Variants in QTMAN observed in about 807,000 individuals in gnomAD.
QTMAN encodes queuosine-tRNA mannosyltransferase, also known as tRNA-queuosine alpha-mannosyltransferase.
chr2:144,153,317 G>A, the QTMAN span, among the ~76,000 whole-genome samples: 1 of 152,134 alleles, frequency 6.6e-6, no homozygotes, highest in Non-Finnish European at 1.5e-5. Flanking sequence ...GTTGTAAAGT[G>A]AGAAGATAAA....
the QTMAN span, among the ~76,000 whole-genome samples, chr2:144,152,549 A>G: frequency 6.6e-6 from 1 of 152,228 alleles, no homozygotes; most frequent in South Asian, 2.1e-4. Context: ...TACTATTTTA[A>G]AAAATCTATA....
At chr2:144,244,384 G>T in the QTMAN span, among the ~76,000 whole-genome samples, 1 of 152,120 alleles carries the variant, frequency 6.6e-6, no homozygotes, top group Non-Finnish European at 1.5e-5. Flanking sequence ...ATTGCTTCTT[G>T]GAGACATTCA....
chr2:144,004,229 G>C, the QTMAN span, among the ~76,000 whole-genome samples: 1 of 152,022 alleles, frequency 6.6e-6, no homozygotes, highest in African/African-American at 2.4e-5. Context: ...TAAAGTACAA[G>C]GATGGGGGAG....
the QTMAN span, among the ~76,000 whole-genome samples, chr2:144,234,720 T>C: frequency 2.6e-5 from 4 of 152,274 alleles, no homozygotes. Flanking sequence ...CATGGAGACA[T>C]GGAGCATTTA....
At chr2:144,207,628 G>C in the QTMAN span, among the ~76,000 whole-genome samples, 3 of 152,052 alleles carry the variant, frequency 2.0e-5, no homozygotes, top group Non-Finnish European at 1.5e-5. Flanking sequence ...TATCATTTGT[G>C]TTAATAAACG....
At chr2:144,311,358 C>T in the QTMAN span, among the ~76,000 whole-genome samples, 3 of 152,146 alleles carry the variant, frequency 2.0e-5, no homozygotes, top group Admixed American at 2.0e-4. Context: ...TGTGATTAGA[C>T]TTAGAAGTTT....
the QTMAN span, among the ~76,000 whole-genome samples, chr2:143,963,629 T>C: frequency 6.6e-6 from 1 of 152,126 alleles, no homozygotes; most frequent in Non-Finnish European, 1.5e-5. Flanking sequence ...GTTCAGATTT[T>C]AGAACCACTT....
the QTMAN span, among the ~76,000 whole-genome samples, chr2:144,199,589 G>T: frequency 5.3e-5 from 8 of 152,136 alleles, no homozygotes; most frequent in Non-Finnish European, 1.2e-4. Flanking sequence ...TGACTCTGAA[G>T]ATAGAAGCAC....
chr2:144,135,672 A>C, the QTMAN span, among the ~76,000 whole-genome samples: 6 of 152,158 alleles, frequency 3.9e-5, no homozygotes, highest in Non-Finnish European at 7.3e-5. Context: ...CTGTCAGTTC[A>C]TTTTTATAAA....
At chr2:144,321,329 T>C in the QTMAN span, among the ~76,000 whole-genome samples, 3 of 152,214 alleles carry the variant, frequency 2.0e-5, no homozygotes, top group East Asian at 5.8e-4. Flanking sequence ...AAGAGTTTCC[T>C]GCCACTGCTG....
chr2:144,025,858 G>A, the QTMAN span, among the ~76,000 whole-genome samples: 1 of 152,180 alleles, frequency 6.6e-6, no homozygotes, highest in Non-Finnish European at 1.5e-5. Context: ...GAAGGAGAGG[G>A]GAGAAGGCAT....
chr2:144,148,610 T>G, the QTMAN span, among the ~76,000 whole-genome samples: 1 of 151,990 alleles, frequency 6.6e-6, no homozygotes, highest in East Asian at 1.9e-4. Flanking sequence ...AGGATTATCC[T>G]CAGGGTGGAC....
At chr2:144,101,919 C>T in the QTMAN span, among the ~76,000 whole-genome samples, 1 of 152,112 alleles carries the variant, frequency 6.6e-6, no homozygotes, top group Non-Finnish European at 1.5e-5. Context: ...TTGTTTATGG[C>T]ACCCCACCAG....
chr2:143,957,336 A>T, the QTMAN span: 846 of 1,580,428 alleles, frequency 5.4e-4, no homozygotes, highest in Admixed American at 6.8e-4. Flanking sequence ...CTCTGAAAAA[A>T]TATCTTTTAA....
the QTMAN span, among the ~76,000 whole-genome samples, chr2:143,971,231 C>A: frequency 6.6e-6 from 1 of 151,834 alleles, no homozygotes; most frequent in Non-Finnish European, 1.5e-5. Flanking sequence ...CTTCCTCTCA[C>A]ATTTACTGAG....
chr2:143,939,758 C>G, the QTMAN span: 3 of 152,312 alleles, frequency 2.0e-5, no homozygotes, highest in South Asian at 4.2e-4. Context: ...GTAAAATACT[C>G]AAGACCTCCC....
chr2:144,174,326 A>T, the QTMAN span, among the ~76,000 whole-genome samples: 1 of 152,156 alleles, frequency 6.6e-6, no homozygotes. Context: ...AAACTATTTC[A>T]AGGATTTAAG....
chr2:143,944,173 ATTAAC>A, the QTMAN span: 2 of 152,196 alleles, frequency 1.3e-5, no homozygotes, highest in Admixed American at 6.5e-5. Context: ...CAAAATACTG[ATTAAC>A]TTATTTAATA....
the QTMAN span, among the ~76,000 whole-genome samples, chr2:144,051,558 C>G: frequency 6.6e-6 from 1 of 152,076 alleles, no homozygotes; most frequent in Non-Finnish European, 1.5e-5. Context: ...TTCCTGATCG[C>G]TACTATGTAC....
Sources: allele counts gnomAD v4.1 joint callset (sites outside exome capture counted in the v4.1 genomes callset), GRCh38; gene constraint gnomAD v4.1.1; transcripts MANE v1.5; gene names NCBI Gene and HGNC (gene_info 2026-07-23, HGNC 2026-07-21).